The following LRRC37B variants were observed in gnomAD, a reference collection of about 807,000 sequenced individuals.
The protein encoded by LRRC37B is leucine rich repeat containing 37B.
LRRC37B carries 28 observed loss-of-function variants against 98.3 expected under a neutral mutation model. The ratio of observed to expected loss-of-function variants is 0.28; its 90% CI spans 0.21 to 0.39. LRRC37B has a LOEUF of 0.39. Among genes scored for constraint, LRRC37B ranks in the 10% least tolerant of loss-of-function variants. The pLI, the probability that LRRC37B is intolerant of heterozygous loss-of-function variation, is 1.00. For missense variants in LRRC37B, 938 were observed against 1,182.7 expected (o/e 0.79, Z 3.03); for synonymous variants, 364 against 442.7 (o/e 0.82, Z 2.23).
intron 7 of LRRC37B, among the ~76,000 whole-genome samples, chr17:32,039,408 T>C (rs1180443311): frequency 4.3e-5 from 6 of 139,254 alleles, no homozygotes; most frequent in Admixed American, 2.3e-4. Context: ...ACCCAGGAGG[T>C]AGAGGTTGCA....
At chr17:32,043,533 C>T (rs1911501472) in intron 7 of LRRC37B, among the ~76,000 whole-genome samples, 1 of 152,238 alleles carries the variant, frequency 6.6e-6, no homozygotes, top group African/African-American at 2.4e-5. Flanking sequence ...TGCACTCAAC[C>T]TGTGTAACAG....
chr17:32,012,267 C>T (rs998425292), intron 1 of LRRC37B, among the ~76,000 whole-genome samples: 3 of 152,156 alleles, frequency 2.0e-5, no homozygotes, highest in African/African-American at 7.2e-5. Flanking sequence ...TGGGTTTGTT[C>T]TCTTTCTCCT....
At chr17:32,013,736 A>G (rs948952135) in intron 1 of LRRC37B, among the ~76,000 whole-genome samples, 4 of 129,200 alleles carry the variant, frequency 3.1e-5, no homozygotes, top group Non-Finnish European at 6.8e-5. Flanking sequence ...GTGTGTGTGT[A>G]TCTATATACA....
chr17:32,042,030 T>C, intron 7 of LRRC37B: 1 of 351,190 alleles, frequency 2.8e-6, no homozygotes, highest in African/African-American at 2.1e-5. Flanking sequence ...CGATGAACCC[T>C]AGCCCCACTC....
At chr17:32,044,808 T>C (rs1192101233) in intron 7 of LRRC37B, among the ~76,000 whole-genome samples, 2 of 152,202 alleles carry the variant, frequency 1.3e-5, no homozygotes, top group Non-Finnish European at 2.9e-5. Flanking sequence ...GAGGGTCACT[T>C]GAGCCCAGGG....
At chr17:32,047,032 G>A (rs1911605125) in intron 8 of LRRC37B, 2 of 152,770 alleles carry the variant, frequency 1.3e-5, no homozygotes, top group South Asian at 4.1e-4. Flanking sequence ...TAGATTCATT[G>A]TATATTTAAC....
At chr17:32,026,446 G>A (rs549578872) in intron 2 of LRRC37B, among the ~76,000 whole-genome samples, 20 of 152,256 alleles carry the variant, frequency 1.3e-4, no homozygotes, top group South Asian at 1.0e-3. Context: ...TTTATTTTTC[G>A]AGATGGAATT....
chr17:32,036,119 G>A (rs1321041603), intron 7 of LRRC37B: 1 of 157,138 alleles, frequency 6.4e-6, no homozygotes, highest in Non-Finnish European at 1.4e-5. Context: ...TCCTGCCTCA[G>A]CCTTCTAAGT....
chr17:32,022,161 C>T (rs778528369), exon 1 of LRRC37B: 2 of 1,613,744 alleles, frequency 1.2e-6, no homozygotes, highest in African/African-American at 1.3e-5. Context: ...TTATAATTTG[C>T]CCAAGTTTAC....
intron 11 of LRRC37B, chr17:32,050,473 T>A: frequency 3.9e-6 from 1 of 256,136 alleles, no homozygotes; most frequent in Non-Finnish European, 7.9e-6. Flanking sequence ...GAGAGACATA[T>A]AATCTCCACC....
exon 1 of LRRC37B, chr17:32,022,459 C>T (rs1910826161): frequency 6.2e-7 from 1 of 1,612,938 alleles, no homozygotes; most frequent in Non-Finnish European, 8.5e-7. Context: ...CCGTCTCCAA[C>T]CACGGAGGAA....
chr17:32,050,045 A>G (rs1417977849), exon 11 of LRRC37B: 1 of 1,592,020 alleles, frequency 6.3e-7, no homozygotes, highest in African/African-American at 1.4e-5. Context: ...GAACAAACTC[A>G]TCTTCGCAAT....
chr17:32,024,604 T>G, intron 1 of LRRC37B, 107 bp from the exon 5 acceptor site: 1 of 1,589,928 alleles, frequency 6.3e-7, no homozygotes, highest in Non-Finnish European at 8.6e-7. Context: ...AAAGCAGGTG[T>G]TATTTTCTGT....
At chr17:32,042,797 C>A (rs1486391334) in intron 7 of LRRC37B, 1 of 147,162 alleles carries the variant, frequency 6.8e-6, no homozygotes, top group Non-Finnish European at 1.5e-5. Flanking sequence ...GAAATGTATG[C>A]CCGAATTTTG....
At chr17:32,052,315 G>T (rs1911782151) in intron 11 of LRRC37B, 1 of 151,770 alleles carries the variant, frequency 6.6e-6, no homozygotes. Flanking sequence ...TTCCTGAGTG[G>T]CTGGGACTAC....
intron 10 of LRRC37B, 112 bp downstream of exon 13, chr17:32,049,506 T>C: frequency 1.8e-6 from 2 of 1,136,136 alleles, no homozygotes; most frequent in Non-Finnish European, 1.2e-6. Context: ...GTCTTGGCCA[T>C]GTAACTTTGG....
chr17:32,031,845 A>T (rs1911120103), intron 5 of LRRC37B, among the ~76,000 whole-genome samples: 1 of 151,950 alleles, frequency 6.6e-6, no homozygotes. Flanking sequence ...CCCTACTGAA[A>T]ATACAAAAAA....
At chr17:32,013,902 A>G (rs555305614) in intron 1 of LRRC37B, among the ~76,000 whole-genome samples, 8 of 152,256 alleles carry the variant, frequency 5.3e-5, no homozygotes, top group African/African-American at 1.7e-4. Context: ...TGGCCACTAC[A>G]TCCTTCTTAA....
chr17:32,049,839 G>A (rs1024748606), intron 10 of LRRC37B, among the ~76,000 whole-genome samples, 164 bp from the exon 14 acceptor site: 17 of 151,814 alleles, frequency 1.1e-4, no homozygotes, highest in African/African-American at 2.4e-4. Flanking sequence ...CTGTACTCCC[G>A]CCTGGGTGAC....
Sources: gnomAD v4.1 joint callset for allele counts (sites outside exome capture counted in the v4.1 genomes callset) on GRCh38, gnomAD v4.1.1 for gene constraint, MANE v1.5 for transcripts, NCBI Gene and HGNC (gene_info 2026-07-23, HGNC 2026-07-21) for gene names.